The following TMEM161B variants were observed in gnomAD, a reference collection of about 807,000 sequenced individuals.
TMEM161B encodes transmembrane protein 161B.
A neutral mutation model predicts 61.8 loss-of-function variants in TMEM161B; 34 were observed. The observed-to-expected ratio is 0.55, with a 90% CI of 0.42 to 0.73. The LOEUF is 0.73. TMEM161B is among the 30% of genes least tolerant of loss of function. TMEM161B has a pLI of 0.00. For synonymous variants in TMEM161B, 167 were observed against 192.8 expected, an observed-to-expected ratio of 0.87 and a Z score of 1.11; for missense variants, 456 against 558.5, an observed-to-expected ratio of 0.82 and a Z score of 1.85.
chr5:88,249,968 G>A (rs547252228), intron 1 of TMEM161B, among the ~76,000 whole-genome samples: 2 of 152,124 alleles, frequency 1.3e-5, no homozygotes, highest in African/African-American at 4.8e-5. Flanking sequence ...TAACCAATCT[G>A]CAGGGCCAGC....
chr5:88,214,657 T>C (rs1045175749), intron 5 of TMEM161B, among the ~76,000 whole-genome samples: 3 of 152,246 alleles, frequency 2.0e-5, no homozygotes, highest in Admixed American at 2.0e-4. Flanking sequence ...AGGAAAGACA[T>C]TTACTAGAAA....
At chr5:88,234,165 G>A (rs1580583881) in intron 2 of TMEM161B, among the ~76,000 whole-genome samples, 1 of 152,044 alleles carries the variant, frequency 6.6e-6, no homozygotes. Flanking sequence ...TGTGGTAACA[G>A]GAATAATCCA....
Position 88,197,656 on chromosome 5 carries a change from A to G in TMEM161B, c.1186+13T>C, listed in dbSNP as rs1279955253. 1 of 1,603,962 alleles carries G rather than the reference A, an allele frequency of 6.2e-7. No individual in the cohort carries two copies. The highest frequency in any genetic ancestry group is 8.5e-7 in the Non-Finnish European group (1 of 1,174,906). On this transcript the variant is annotated intron_variant, in intron 11 of 11. Transcript: ENST00000296595. ...AAGTAAAAGATGCTTCCTAGTTGCC[A>G]GGGCATGCCTACCTAGTGTTTTCAA... is the stretch of plus-strand genomic sequence containing the variant.
In TMEM161B at chr5:88,196,194, T is replaced by G. The variant is rs1161777097; in HGVS notation, c.*17A>C. 6.3e-7 allele frequency: 1 copy of G among 1,589,676 alleles called. No homozygotes were observed. The highest frequency in any genetic ancestry group is 8.5e-7 in the Non-Finnish European group (1 of 1,170,516). On this transcript the variant is annotated 3_prime_UTR_variant, in exon 12 of 12. Coordinates refer to ENST00000296595, the MANE Select transcript of TMEM161B (RefSeq NM_153354.5). Reference sequence around the variant, plus strand: ...ATTTAAAGGGTGATTTGGATATGCTTTTTTGTTAACTGAGATTCATGCCAC... The same window carrying G: ...ATTTAAAGGGTGATTTGGATATGCTGTTTTGTTAACTGAGATTCATGCCAC...
At chr5:88,226,920 G>A (rs1232223140) in intron 3 of TMEM161B, among the ~76,000 whole-genome samples, 1 of 152,060 alleles carries the variant, frequency 6.6e-6, no homozygotes, top group Non-Finnish European at 1.5e-5. Flanking sequence ...AATCTCAGGA[G>A]AGACCAGCCT....
intron 5 of TMEM161B, among the ~76,000 whole-genome samples, chr5:88,217,916 A>C (rs1748201575): frequency 6.6e-6 from 1 of 152,054 alleles, no homozygotes. Context: ...AAAAAAAAAA[A>C]AAAACCTTAA....
rs1379305892 is a variant in TMEM161B, at chr5:88,196,095, G to A, written c.*116C>T. On this transcript the variant is annotated 3_prime_UTR_variant, in exon 12 of 12. Coordinates refer to ENST00000296595, the MANE Select transcript of TMEM161B (RefSeq NM_153354.5). The stretch of plus-strand genomic sequence containing the variant: ...GGAAACATTTAATACAAGACATTCT[G>A]ATATGTTTTTTTTTTCCCATTGTAT... 6.9e-7 allele frequency: 1 copy of A among 1,454,292 alleles called. No individual in the cohort carries two copies. The highest frequency in any genetic ancestry group is 2.4e-5 in the East Asian group (1 of 41,010). 90.1% of individuals were successfully genotyped at this position (1,454,292 alleles called of 1,614,324 possible). A position where few individuals can be genotyped will look rare whatever the true frequency, so the allele number is the denominator to read the frequency against.
At chr5:88,213,931 T>C (rs984498917) in intron 5 of TMEM161B, among the ~76,000 whole-genome samples, 1 of 152,218 alleles carries the variant, frequency 6.6e-6, no homozygotes, top group African/African-American at 2.4e-5. Context: ...CAGGGTATAA[T>C]GTTTTGCTTT....
chr5:88,264,786 AGG>A (rs779474524), intron 1 of TMEM161B, among the ~76,000 whole-genome samples: 1 of 152,218 alleles, frequency 6.6e-6, no homozygotes, highest in East Asian at 1.9e-4. Flanking sequence ...TGTCCTTTGC[AGG>A]GACATGGATG....
chr5:88,220,722 G>GGAAA lies in TMEM161B; in HGVS notation c.290-7_290-4dup. 1 of 480,018 alleles carries GGAAA rather than the reference G, an allele frequency of 2.1e-6. No homozygotes were observed. Among genetic ancestry groups the GGAAA allele is most frequent in the South Asian group, 2.8e-5 (1 of 35,572 alleles). 29.7% of individuals were successfully genotyped at this position (480,018 alleles called of 1,614,324 possible). On this transcript the variant is annotated splice_region_variant and splice_polypyrimidine_tract_variant and intron_variant, in intron 4 of 11. Coordinates refer to ENST00000296595, the MANE Select transcript of TMEM161B (RefSeq NM_153354.5). ...GTATTCTGGAAAGTAATGCAATGCT[G>GGAAA]GAAAGAAAAAAAAAAAAAAAAAAAA...
chr5:88,256,385 C>A (rs1754987063), intron 1 of TMEM161B, among the ~76,000 whole-genome samples: 1 of 152,168 alleles, frequency 6.6e-6, no homozygotes, highest in Non-Finnish European at 1.5e-5. Context: ...AAGAAAGCTT[C>A]CTAAATTCTG....
chr5:88,228,425 A>G lies in TMEM161B; in HGVS notation c.191+20T>C. 1 of 1,524,798 alleles carries G rather than the reference A, an allele frequency of 6.6e-7. No individual in the cohort carries two copies. The highest frequency in any genetic ancestry group is 9.0e-7 in the Non-Finnish European group (1 of 1,110,088). The allele number at this position is 1,524,798 out of a possible 1,614,324, so 94.5% of individuals were successfully genotyped here. A position where few individuals can be genotyped will look rare whatever the true frequency, so the allele number is the denominator to read the frequency against. The stretch of plus-strand genomic sequence containing the variant: ...AATTGTGTTAAATATTTATTACTTT[A>G]CAAGCTCAATAAAACTTACCTATCT... On this transcript the variant is annotated intron_variant, in intron 3 of 11. Transcript: ENST00000296595.
intron 1 of TMEM161B, among the ~76,000 whole-genome samples, chr5:88,265,202 C>T (rs1453376795): frequency 6.6e-6 from 1 of 152,182 alleles, no homozygotes; most frequent in Non-Finnish European, 1.5e-5. Context: ...GATTCCTATG[C>T]AAACTCAAGC....
chr5:88,235,604 T>TA (rs1283736058), intron 2 of TMEM161B, among the ~76,000 whole-genome samples: 2 of 151,978 alleles, frequency 1.3e-5, no homozygotes, highest in African/African-American at 2.4e-5. Flanking sequence ...TGAGAGAGGG[T>TA]CCTTACCAGA....
At chr5:88,254,635 A>T (rs1374618217) in intron 1 of TMEM161B, among the ~76,000 whole-genome samples, 1 of 152,100 alleles carries the variant, frequency 6.6e-6, no homozygotes, top group Non-Finnish European at 1.5e-5. Flanking sequence ...CAAGAAGTTC[A>T]AGACCAGCCT....
chr5:88,254,429 G>C (rs909623544), intron 1 of TMEM161B, among the ~76,000 whole-genome samples: 1 of 152,078 alleles, frequency 6.6e-6, no homozygotes, highest in African/African-American at 2.4e-5. Context: ...GAGGAAGAAG[G>C]GACAGCTAAA....
chr5:88,220,439 T>C, intron 5 of TMEM161B, 124 bp downstream of exon 5: 1 of 822,748 alleles, frequency 1.2e-6, no homozygotes, highest in Non-Finnish European at 1.7e-6. Context: ...TATTTTCAAT[T>C]ACATAAAAAA....
rs1256727164 is a variant in TMEM161B at position 88,203,015 on chromosome 5, T to C, written c.861A>G (p.Pro287=). The C allele has an allele frequency of 2.5e-6, 4 of 1,612,278 alleles. No individual in the cohort carries two copies. In the East Asian group the frequency reaches 6.7e-5, roughly 27 times the overall value. The change falls in exon 9 of 12, where the codon CCA becomes CCG. Residue 287 remains proline, a synonymous_variant. Coordinates refer to ENST00000296595, the MANE Select transcript of TMEM161B (RefSeq NM_153354.5). Reference sequence around the variant, plus strand: ...GGTTCATAATGTAGTCTTTGGTGATTGGTTTTACCCAGAGCAGAACCATAA... The same window carrying C: ...GGTTCATAATGTAGTCTTTGGTGATCGGTTTTACCCAGAGCAGAACCATAA... ...PLFMVLLWVK[P]ITKDYIMNPP... is the part of the protein sequence containing the mutation.
rs1412464366 is a variant in TMEM161B at position 88,203,079 on chromosome 5, A to T, written c.801-4T>A. 1.3e-6 allele frequency: 2 copies of T among 1,514,956 alleles called. No individual in the cohort carries two copies. The highest frequency in any genetic ancestry group is 2.7e-5 in the African/African-American group (2 of 73,830). 93.8% of individuals were successfully genotyped at this position (1,514,956 alleles called of 1,614,324 possible). ...GAAGTTGATATGAAGTAAAGTTCTG[A>T]AAGTACGTAAGAAATAAATATAAAA... On this transcript the variant is annotated splice_region_variant and splice_polypyrimidine_tract_variant and intron_variant, in intron 8 of 11. Coordinates refer to ENST00000296595, the MANE Select transcript of TMEM161B (RefSeq NM_153354.5).
Sources: allele counts gnomAD v4.1 joint callset (sites outside exome capture counted in the v4.1 genomes callset), GRCh38; gene constraint gnomAD v4.1.1; transcripts MANE v1.5; gene names NCBI Gene and HGNC (gene_info 2026-07-23, HGNC 2026-07-21).